Variants in LSAMP observed in about 807,000 individuals in gnomAD.
The protein encoded by LSAMP is limbic system-associated membrane protein.
LSAMP carries 7 observed loss-of-function variants against 38.6 expected under a neutral mutation model. That is an observed-to-expected ratio of 0.18 (90% CI 0.10 to 0.34). The LOEUF is 0.34. Among genes scored for constraint, LSAMP ranks in the 10% least tolerant of loss-of-function variants. The probability of loss-of-function intolerance (pLI) is 1.00; values close to 1 mark genes in which losing one functional copy is unlikely to be tolerated. For missense variants in LSAMP, 313 were observed against 420.0 expected (o/e 0.75, Z 2.23); for synonymous variants, 154 against 166.8 (o/e 0.92, Z 0.59).
intron 6 of LSAMP, among the ~76,000 whole-genome samples, chr3:115,832,406 AAT>A (rs1559841328): frequency 1.3e-5 from 2 of 152,218 alleles, no homozygotes; most frequent in Admixed American, 6.5e-5. Flanking sequence ...AGATGGTGAC[AAT>A]ATATGATATT....
chr3:116,082,134 A>G (rs980827232), intron 2 of LSAMP, among the ~76,000 whole-genome samples: 1 of 152,208 alleles, frequency 6.6e-6, no homozygotes, highest in African/African-American at 2.4e-5. Context: ...TTAATGTAAC[A>G]TTTAAAACAA....
At chr3:116,356,863 G>A (rs888841191) in intron 1 of LSAMP, among the ~76,000 whole-genome samples, 47 of 151,882 alleles carry the variant, frequency 3.1e-4, no homozygotes, top group African/African-American at 9.7e-4. Context: ...GCGCCATCTC[G>A]GCTCACTGCA....
At chr3:116,214,342 C>G (rs2046195548) in intron 1 of LSAMP, among the ~76,000 whole-genome samples, 3 of 152,102 alleles carry the variant, frequency 2.0e-5, no homozygotes, top group Non-Finnish European at 1.5e-5. Flanking sequence ...ACCAAATGCT[C>G]TATAATTCTC....
chr3:115,842,091 A>G, intron 5 of LSAMP, 98 bp from the exon 6 acceptor site: 3 of 1,269,124 alleles, frequency 2.4e-6, no homozygotes, highest in Non-Finnish European at 3.3e-6. Context: ...AAGGAGAGAA[A>G]GGAAGTAGCT....
intron 1 of LSAMP, among the ~76,000 whole-genome samples, chr3:116,395,297 G>A (rs567949536): frequency 6.6e-6 from 1 of 152,266 alleles, no homozygotes; most frequent in Admixed American, 6.5e-5. Context: ...AGCCCCACAA[G>A]AAATAGAGTA....
chr3:116,215,312 T>G (rs2107610715), intron 1 of LSAMP, among the ~76,000 whole-genome samples: 1 of 152,330 alleles, frequency 6.6e-6, no homozygotes, highest in Non-Finnish European at 1.5e-5. Flanking sequence ...TATCTTCCTG[T>G]GTTGTTTGCA....
chr3:116,388,415 T>C (rs928426184), intron 1 of LSAMP, among the ~76,000 whole-genome samples: 1 of 152,166 alleles, frequency 6.6e-6, no homozygotes, highest in African/African-American at 2.4e-5. Flanking sequence ...GCTGCCTCTA[T>C]CACTCAAAGG....
In LSAMP at chr3:116,202,713, C is replaced by A. The variant is rs531503057; in HGVS notation, c.156-116157G>T. ...TGCTGGGATTACAAGTGTGAGCCAC[C>A]ATACCCAAGCACCCTTTTTTTGGCT... On this transcript the variant is annotated intron_variant, in intron 1 of 6. Coordinates refer to ENST00000490035, the MANE Select transcript of LSAMP (RefSeq NM_002338.5). 5.3e-5 allele frequency among the ~76,000 whole-genome samples: 8 copies of A among 152,240 alleles called. No individual in the cohort carries two copies. In the South Asian group the frequency reaches 6.2e-4, roughly 12 times the overall value.
At chr3:116,309,952 TG>T (rs1461468456) in intron 1 of LSAMP, among the ~76,000 whole-genome samples, 2 of 152,162 alleles carry the variant, frequency 1.3e-5, no homozygotes, top group Admixed American at 1.3e-4. Context: ...CTTTTTTGAT[TG>T]GCACATCCTT....
intron 3 of LSAMP, among the ~76,000 whole-genome samples, chr3:115,942,341 C>T (rs1334397769): frequency 6.6e-6 from 1 of 152,122 alleles, no homozygotes; most frequent in Non-Finnish European, 1.5e-5. Flanking sequence ...AAGTATTTCT[C>T]ATCACCAACG....
intron 1 of LSAMP, among the ~76,000 whole-genome samples, chr3:116,236,328 G>C (rs1249863348): frequency 6.6e-6 from 1 of 152,070 alleles, no homozygotes; most frequent in East Asian, 1.9e-4. Flanking sequence ...TTAGGCAAAT[G>C]ATTCATTTCT....
intron 1 of LSAMP, among the ~76,000 whole-genome samples, chr3:116,143,311 A>G (rs531869187): frequency 1.3e-5 from 2 of 151,944 alleles, no homozygotes; most frequent in Non-Finnish European, 2.9e-5. Context: ...ATATGTTTGC[A>G]TAGAGTTGTT....
At chr3:115,933,817 C>T (rs1937621115) in intron 3 of LSAMP, among the ~76,000 whole-genome samples, 1 of 152,134 alleles carries the variant, frequency 6.6e-6, no homozygotes, top group African/African-American at 2.4e-5. Flanking sequence ...CTGCAGTGCC[C>T]TCCGCGAGAA....
At chr3:116,349,475 CA>C (rs1422761957) in intron 1 of LSAMP, among the ~76,000 whole-genome samples, 1 of 150,090 alleles carries the variant, frequency 6.7e-6, no homozygotes, top group African/African-American at 2.5e-5. Flanking sequence ...TGACCCCCCC[CA>C]AAAAAACTAC....
At chr3:116,260,715 C>T (rs2046814740) in intron 1 of LSAMP, among the ~76,000 whole-genome samples, 1 of 152,138 alleles carries the variant, frequency 6.6e-6, no homozygotes, top group Admixed American at 6.5e-5. Flanking sequence ...ACTCTGGCTC[C>T]CTTTTCCTTG....
chr3:116,013,498 C>A (rs1940389626), intron 3 of LSAMP, among the ~76,000 whole-genome samples: 1 of 152,070 alleles, frequency 6.6e-6, no homozygotes, highest in Admixed American at 6.6e-5. Flanking sequence ...AAACAGCTGT[C>A]TATATACCTG....
Position 115,819,437 on chromosome 3 carries a change from AAAG to A in LSAMP, c.920-9026_920-9024del, listed in dbSNP as rs1934154840. ...GAGTGAGACTCTGTCCAAAAAAAAAAAAGTGACAGGAAAGCGGATTGATTAGGG... is the reference window on the plus strand; with the variant it reads ...GAGTGAGACTCTGTCCAAAAAAAAAATGACAGGAAAGCGGATTGATTAGGG... On this transcript the variant is annotated intron_variant, in intron 6 of 6. Coordinates refer to ENST00000490035, the MANE Select transcript of LSAMP (RefSeq NM_002338.5). 2.0e-5 allele frequency among the ~76,000 whole-genome samples: 3 copies of A among 152,220 alleles called. No individual in the cohort carries two copies. In the South Asian group the frequency reaches 6.2e-4, roughly 32 times the overall value.
At chr3:116,434,241 A>G (rs1169950049) in intron 1 of LSAMP, among the ~76,000 whole-genome samples, 2 of 152,182 alleles carry the variant, frequency 1.3e-5, no homozygotes, top group African/African-American at 2.4e-5. Context: ...AGCTTGATTT[A>G]TAGTACAACC....
At chr3:116,047,710 T>A (rs1403094244) in intron 2 of LSAMP, among the ~76,000 whole-genome samples, 1 of 152,230 alleles carries the variant, frequency 6.6e-6, no homozygotes, top group African/African-American at 2.4e-5. Context: ...AACTGGACCC[T>A]GTTCACATTT....
Sources: allele counts gnomAD v4.1 joint callset (sites outside exome capture counted in the v4.1 genomes callset), GRCh38; gene constraint gnomAD v4.1.1; transcripts MANE v1.5; gene names NCBI Gene and HGNC (gene_info 2026-07-23, HGNC 2026-07-21).